PYGB: variants seen among roughly 807,000 people sequenced by gnomAD.
PYGB encodes glycogen phosphorylase, brain form.
Under a neutral mutation model 94.3 loss-of-function variants are expected in PYGB, and 82 were observed. That is an observed-to-expected ratio of 0.87 (90% CI 0.73 to 1.04). The LOEUF is 1.04. Among genes scored for constraint, PYGB ranks in the 50% least tolerant of loss-of-function variants. PYGB has a pLI of 0.00. For synonymous variants in PYGB, 488 were observed against 479.1 expected, an observed-to-expected ratio of 1.02 and a Z score of -0.24; for missense variants, 1,132 against 1,158.2, an observed-to-expected ratio of 0.98 and a Z score of 0.33.
chr20:25,269,833 C>G (rs1600727860), intron 3 of PYGB, among the ~76,000 whole-genome samples: 1 of 152,346 alleles, frequency 6.6e-6, no homozygotes, highest in Non-Finnish European at 1.5e-5. Flanking sequence ...CTGCTCCCTC[C>G]CCGGCCCCGA....
chr20:25,280,710 G>GA (rs2088358536), intron 10 of PYGB, among the ~76,000 whole-genome samples: 1 of 152,218 alleles, frequency 6.6e-6, no homozygotes, highest in Non-Finnish European at 1.5e-5. Context: ...CTGGGCTGGG[G>GA]AGTTGGGTGA....
In PYGB at chr20:25,278,382, G is replaced by A; in HGVS notation, c.919G>A (p.Asp307Asn). Reference protein sequence around the residue: ...EYFVVAATLQDIIRRFKSSKF... With the variant: ...EYFVVAATLQNIIRRFKSSKF... Reference sequence around the variant, plus strand: ...CTTCGTGGTGGCCGCCACGCTCCAGGACATCATCCGCCGCTTCAAGTCGTC... The same window carrying A: ...CTTCGTGGTGGCCGCCACGCTCCAGAACATCATCCGCCGCTTCAAGTCGTC... The change falls in exon 8 of 20, where the codon GAC (aspartate) becomes AAC (asparagine). Residue 307 changes from aspartate (D) to asparagine (N), a missense_variant. Asp to Asn is a conservative substitution (Grantham distance 23, BLOSUM62 1). Coordinates refer to ENST00000216962, the MANE Select transcript of PYGB (RefSeq NM_002862.4). 6.2e-7 allele frequency: 1 copy of A among 1,604,150 alleles called. No homozygotes were observed. Among genetic ancestry groups the A allele is most frequent in the Non-Finnish European group, 8.5e-7 (1 of 1,176,948 alleles).
chr20:25,261,177 C>T (rs914120171), intron 2 of PYGB, among the ~76,000 whole-genome samples: 5 of 152,206 alleles, frequency 3.3e-5, no homozygotes, highest in African/African-American at 1.2e-4. Context: ...CAGACTGCTT[C>T]CACAAGTGGG....
At chr20:25,287,556 G>A (rs2088428615) in intron 14 of PYGB, among the ~76,000 whole-genome samples, 1 of 152,190 alleles carries the variant, frequency 6.6e-6, no homozygotes, top group Non-Finnish European at 1.5e-5. Flanking sequence ...GGCTAAGGAG[G>A]GGAAGATCAC....
intron 1 of PYGB, among the ~76,000 whole-genome samples, chr20:25,257,762 G>C (rs1407693320): frequency 6.6e-6 from 1 of 152,106 alleles, no homozygotes; most frequent in South Asian, 2.1e-4. Flanking sequence ...GTTAATACTT[G>C]ACCCACAGTA....
At chr20:25,251,728 T>C (rs2092888602) in intron 1 of PYGB, among the ~76,000 whole-genome samples, 1 of 152,348 alleles carries the variant, frequency 6.6e-6, no homozygotes, top group Admixed American at 6.5e-5. Flanking sequence ...GTGTTGTCGA[T>C]GTGCTGAGCC....
chr20:25,265,213 T>A (rs2088206286), intron 2 of PYGB, among the ~76,000 whole-genome samples: 1 of 152,174 alleles, frequency 6.6e-6, no homozygotes, highest in African/African-American at 2.4e-5. Flanking sequence ...CTGGGAAAAC[T>A]GGCTAGCCAT....
chr20:25,249,264 A>G (rs546012363), intron 1 of PYGB, among the ~76,000 whole-genome samples: 1 of 152,372 alleles, frequency 6.6e-6, no homozygotes, highest in South Asian at 2.1e-4. Flanking sequence ...TCATTCGTAA[A>G]CATTTGTAAC....
intron 18 of PYGB, 113 bp downstream of exon 18, chr20:25,294,405 C>A: frequency 7.5e-7 from 1 of 1,328,860 alleles, no homozygotes; most frequent in African/African-American, 1.5e-5. Flanking sequence ...GCTTTCAGGA[C>A]GTCTTCTCCA....
In PYGB at chr20:25,290,281, C is replaced by T. The variant is rs540582028; in HGVS notation, c.1828-200C>T. 6.6e-5 allele frequency among the ~76,000 whole-genome samples: 10 copies of T among 152,326 alleles called. No individual in the cohort carries two copies. In the South Asian group the frequency reaches 1.2e-3, roughly 19 times the overall value. On this transcript the variant is annotated intron_variant, in intron 15 of 19. Transcript: ENST00000216962. ...GAGGCGGACACGTTTCTGGATGTGG[C>T]GAGGTGGCCACCATCGTGAGTGCGC...
intron 1 of PYGB, among the ~76,000 whole-genome samples, chr20:25,257,918 A>G (rs1486098673): frequency 1.3e-5 from 2 of 152,186 alleles, no homozygotes; most frequent in African/African-American, 4.8e-5. Context: ...GTTCGTTCAA[A>G]TGTAGTGTAA....
At position 25,248,367 on chromosome 20, in the gene PYGB, C is replaced by G. The variant is rs903174925; in HGVS notation, c.189C>G (p.His63Gln). The G allele has an allele frequency of 1.3e-6, 2 of 1,595,092 alleles. No individual in the cohort carries two copies. ...FFALAHTVRD[H>Q]LVGRWIRTQQ... ...CGCTGGCGCACACGGTGCGCGACCA[C>G]CTCGTGGGCCGCTGGATCCGCACGC... The change falls in exon 1 of 20, where the codon CAC becomes CAG. Residue 63 changes from histidine (H) to glutamine (Q), a missense_variant. Physicochemically the swap from His to Gln is conservative, Grantham distance 24 (BLOSUM62 0). Coordinates refer to ENST00000216962, the MANE Select transcript of PYGB (RefSeq NM_002862.4).
rs562165887 is a variant in PYGB, at chr20:25,253,938, G to C, written c.244-5299G>C. The stretch of plus-strand genomic sequence containing the variant: ...AATACAAAAATTAGCCAGGCATGGT[G>C]GTGGGCGCCTGTAGTCCCAGGTACT... On this transcript the variant is annotated intron_variant, in intron 1 of 19. Transcript: ENST00000216962. 3.2e-3 allele frequency among the ~76,000 whole-genome samples: 484 copies of C among 152,286 alleles called. 2 individuals carry two copies. Among genetic ancestry groups the C allele is most frequent in the Non-Finnish European group, 5.8e-3 (397 of 68,026 alleles).
In PYGB at chr20:25,283,234, T is replaced by C. The variant is rs2088385144; in HGVS notation, c.1577T>C (p.Val526Ala). Residue 526 changes from valine to alanine, a missense_variant, in exon 13 of 20, where the codon GTC becomes GCC. By Grantham distance (64) the Val-to-Ala change is moderately conservative (BLOSUM62 0). Coordinates refer to ENST00000216962, the MANE Select transcript of PYGB (RefSeq NM_002862.4). ...LSQLKKLLPL[V>A]SDEVFIRDVA... is the part of the protein sequence containing the mutation. ...CAGCTGAAGAAGCTGCTGCCGCTGGTCAGTGACGAGGTGTTCATCAGGGAC... is the reference window on the plus strand; with the variant it reads ...CAGCTGAAGAAGCTGCTGCCGCTGGCCAGTGACGAGGTGTTCATCAGGGAC... The C allele has an allele frequency of 1.2e-6, 2 of 1,613,842 alleles. No individual in the cohort carries two copies. The highest frequency in any genetic ancestry group is 4.5e-5 in the East Asian group (2 of 44,856).
intron 5 of PYGB, among the ~76,000 whole-genome samples, chr20:25,275,402 C>G (rs2088302256): frequency 6.6e-6 from 1 of 152,164 alleles, no homozygotes; most frequent in Non-Finnish European, 1.5e-5. Flanking sequence ...AGGGCAGGGG[C>G]TGGCAGGAGA....
chr20:25,295,065 T>G, intron 18 of PYGB: 1 of 1,605,066 alleles, frequency 6.2e-7, no homozygotes, highest in South Asian at 1.1e-5. Flanking sequence ...AATTGTGAAC[T>G]CTGCATTTCG....
chr20:25,268,843 GA>G (rs2088241991), intron 2 of PYGB, among the ~76,000 whole-genome samples: 2 of 152,226 alleles, frequency 1.3e-5, no homozygotes, highest in South Asian at 4.1e-4. Context: ...TCGCCCATGT[GA>G]AATTAGAGAA....
chr20:25,268,389 CTT>C (rs5841052), intron 2 of PYGB, among the ~76,000 whole-genome samples: 9 of 142,746 alleles, frequency 6.3e-5, no homozygotes, highest in Non-Finnish European at 1.4e-4. Context: ...CAAAAATGTC[CTT>C]TTTTTTTTTA....
chr20:25,258,271 C>T (rs1439273161), intron 1 of PYGB, among the ~76,000 whole-genome samples: 2 of 152,212 alleles, frequency 1.3e-5, no homozygotes, highest in East Asian at 1.9e-4. Context: ...TGCCGGTCAG[C>T]GTGGTCAGCT....
Sources: allele counts gnomAD v4.1 joint callset (sites outside exome capture counted in the v4.1 genomes callset), GRCh38; gene constraint gnomAD v4.1.1; transcripts MANE v1.5; gene names NCBI Gene and HGNC (gene_info 2026-07-23, HGNC 2026-07-21).